BRCA2: variants seen among roughly 807,000 people sequenced by gnomAD.
BRCA2 encodes BRCA2 DNA repair associated.
A neutral mutation model predicts 276.7 loss-of-function variants in BRCA2; 203 were observed. The ratio of observed to expected loss-of-function variants is 0.73; its 90% CI spans 0.65 to 0.82. The LOEUF (loss-of-function observed/expected upper bound fraction) is 0.82. Ranked by LOEUF, BRCA2 falls within the 40% of genes least tolerant of loss-of-function variation. BRCA2 has a pLI of 0.00. For synonymous variants in BRCA2, 1,289 were observed against 1,338.4 expected (o/e 0.96, Z 0.81); for missense variants, 3,920 against 3,915.0 (o/e 1.00, Z -0.03).
chr13:32,365,721 C>CTTTTTTTTTTTTTTTTTTTTTTTTCT (rs36116910), intron 18 of BRCA2, among the ~76,000 whole-genome samples: 5 of 105,872 alleles, frequency 4.7e-5, no homozygotes, highest in East Asian at 2.8e-4. Flanking sequence ...ACTTTGGTGT[C>CTTTTTTTTTTTTTTTTTTTTTTTTCT]TTTTTTTTTT....
chr13:32,323,778 A>C (rs577956823), intron 3 of BRCA2, among the ~76,000 whole-genome samples: 1 of 152,374 alleles, frequency 6.6e-6, no homozygotes, highest in South Asian at 2.1e-4. Flanking sequence ...AAGAGTAATA[A>C]TAAGTGACTC....
rs81002874 is a variant in BRCA2, at chr13:32,363,178, G to T, written c.7977-1G>T. 6.2e-7 allele frequency: 1 copy of T among 1,612,350 alleles called. No homozygotes were observed. Among genetic ancestry groups the T allele is most frequent in the East Asian group, 2.2e-5 (1 of 44,860 alleles). ...ATATGCATTTTTGTTTTCACTTTTA[G>T]ATATGATACGGAAATTGATAGAAGC... On this transcript the variant is annotated splice_acceptor_variant, in intron 17 of 26. Coordinates refer to ENST00000380152, the MANE Select transcript of BRCA2 (RefSeq NM_000059.4). LOFTEE classifies it high-confidence loss of function.
chr13:32,319,338 A>G lies in BRCA2; in HGVS notation c.316+13A>G, dbSNP rs773097109. 89 of 1,604,672 alleles carry G rather than the reference A, an allele frequency of 5.5e-5. No homozygotes were observed. The highest frequency in any genetic ancestry group is 6.9e-5 in the Non-Finnish European group (81 of 1,171,848). ...AAATTAGACTTAGGTAAGTAATGCA[A>G]TATGGTAGACTGGGGAGAACTACAA... On this transcript the variant is annotated intron_variant, in intron 3 of 26. Transcript: ENST00000380152.
Position 32,319,948 on chromosome 13 carries a change from AAG to A in BRCA2, c.316+626_316+627del, listed in dbSNP as rs971594213. Among the ~76,000 whole-genome samples, 28 of 152,188 alleles carry A rather than the reference AAG, an allele frequency of 1.8e-4. 1 individual carries two copies. Among genetic ancestry groups the A allele is most frequent in the African/African-American group, 4.8e-5 (2 of 41,456 alleles). Reference sequence around the variant, plus strand: ...AAAAGTATAATGAGAGTTGAGAAGAAAGAGCAAATAGTATTGGGCAAAGTTAG... The same window carrying A: ...AAAAGTATAATGAGAGTTGAGAAGAAAGCAAATAGTATTGGGCAAAGTTAG... On this transcript the variant is annotated intron_variant, in intron 3 of 26. Transcript: ENST00000380152.
Position 32,330,863 on chromosome 13 carries a change from A to G in BRCA2, c.682-56A>G, listed in dbSNP as rs558899655. On this transcript the variant is annotated intron_variant, in intron 8 of 26. Transcript: ENST00000380152. ...AAACCATGGATAAGGGGGGACTACT[A>G]CTATATGTGCATTGAGAGTTTTTAT... is the stretch of plus-strand genomic sequence containing the variant. 3 of 1,040,694 alleles carry G rather than the reference A, an allele frequency of 2.9e-6. No individual in the cohort carries two copies. In the South Asian group the frequency reaches 4.0e-5, roughly 14 times the overall value. 64.5% of individuals were successfully genotyped at this position (1,040,694 alleles called of 1,614,324 possible).
rs1305288537 is a variant in BRCA2, at chr13:32,362,903, C to T, written c.7976+210C>T. Among the ~76,000 whole-genome samples the T allele has an allele frequency of 2.6e-5, 4 of 152,216 alleles. No homozygotes were observed. The East Asian group carries it at 7.7e-4, about 29-fold the overall frequency. On this transcript the variant is annotated intron_variant, in intron 17 of 26. Coordinates refer to ENST00000380152, the MANE Select transcript of BRCA2 (RefSeq NM_000059.4). ...TTGCTTCCCTCTTTCCCCACCCCCT[C>T]CTTAACCTCTTGATGTATGAGAAGA... is the stretch of plus-strand genomic sequence containing the variant.
chr13:32,344,182 AAG>A (rs1447763301), intron 11 of BRCA2, among the ~76,000 whole-genome samples: 10 of 147,268 alleles, frequency 6.8e-5, no homozygotes, highest in Middle Eastern at 3.5e-3. Context: ...AAAAAAAAAA[AAG>A]AGAGAAAAAG....
intron 24 of BRCA2, among the ~76,000 whole-genome samples, chr13:32,382,531 A>T (rs528697506): frequency 4.6e-5 from 7 of 152,290 alleles, no homozygotes; most frequent in Non-Finnish European, 5.9e-5. Context: ...TAGAATTGAT[A>T]ATGAAGTGAG....
At chr13:32,382,121 T>A (rs955744882) in intron 24 of BRCA2, among the ~76,000 whole-genome samples, 1 of 152,130 alleles carries the variant, frequency 6.6e-6, no homozygotes, top group Non-Finnish European at 1.5e-5. Flanking sequence ...ACTACAAATT[T>A]TTTTGTATTT....
At chr13:32,373,536 T>C (rs1468518829) in intron 20 of BRCA2, among the ~76,000 whole-genome samples, 1 of 151,832 alleles carries the variant, frequency 6.6e-6, no homozygotes, top group Non-Finnish European at 1.5e-5. Context: ...ATAATAAAAA[T>C]AACTCCTAGC....
In BRCA2 at chr13:32,339,375, A is replaced by G. The variant is rs80358725; in HGVS notation, c.5020A>G (p.Ser1674Gly). The change falls in exon 11 of 27, where the codon AGT becomes GGT. Residue 1674 changes from serine to glycine, a missense_variant. This residue lies in a region of BRCA2 where 3,263 missense variants were observed against 3,156.9 expected (regional missense o/e 1.03). Transcript: ENST00000380152. Reference protein sequence around the residue: ...IENSALAFYTSCSRKTSVSQT... With the variant: ...IENSALAFYTGCSRKTSVSQT... ...AAATTCAGCCTTAGCTTTTTACACA[A>G]GTTGTAGTAGAAAAACTTCTGTGAG... 3.5e-5 allele frequency: 55 copies of G among 1,593,894 alleles called. 1 individual carries two copies. The African/African-American group carries it at 5.4e-4, about 16-fold the overall frequency.
chr13:32,379,463 A>G lies in BRCA2; in HGVS notation c.8901A>G (p.Thr2967=), dbSNP rs786203637. 1 of 1,613,468 alleles carries G rather than the reference A, an allele frequency of 6.2e-7. No homozygotes were observed. The highest frequency in any genetic ancestry group is 1.3e-5 in the African/African-American group (1 of 74,996). The change falls in exon 22 of 27, where the codon ACA becomes ACG. Residue 2967 remains threonine, a synonymous_variant. Coordinates refer to ENST00000380152, the MANE Select transcript of BRCA2 (RefSeq NM_000059.4). Reference sequence around the variant, plus strand: ...AACAAGGTTTATCAAGGGATGTCACAACCGTGTGGAAGTTGCGTATTGTAA... The same window carrying G: ...AACAAGGTTTATCAAGGGATGTCACGACCGTGTGGAAGTTGCGTATTGTAA... ...QKEQGLSRDV[T]TVWKLRIVSY...
intron 24 of BRCA2, among the ~76,000 whole-genome samples, chr13:32,394,337 A>C (rs1303845397): frequency 6.6e-6 from 1 of 152,212 alleles, no homozygotes; most frequent in African/African-American, 2.4e-5. Context: ...GAGTACAAGA[A>C]ATGGGATTAC....
intron 13 of BRCA2, among the ~76,000 whole-genome samples, chr13:32,354,127 G>A (rs889190794): frequency 9.9e-5 from 15 of 152,128 alleles, no homozygotes; most frequent in African/African-American, 3.6e-4. Context: ...TTTAAAAGAA[G>A]GAAAATGTAA....
rs11571679 is a variant in BRCA2 at position 32,346,708 on chromosome 13, G to A, written c.6938-119G>A. 2.1e-4 allele frequency: 152 copies of A among 720,156 alleles called. 1 individual carries two copies. The South Asian group carries it at 2.6e-3, about 12-fold the overall frequency. 44.6% of individuals were successfully genotyped at this position (720,156 alleles called of 1,614,324 possible). ...CATAGTTAACATTTATTGAGCATCT[G>A]TTACATTCACTGAAAATTGTAAAGC... On this transcript the variant is annotated intron_variant, in intron 12 of 26. Transcript: ENST00000380152.
At chr13:32,316,333 CAA>C (rs2072258545) in intron 1 of BRCA2, 87 bp from the exon 2 acceptor site, 1 of 844,128 alleles carries the variant, frequency 1.2e-6, no homozygotes, top group Non-Finnish European at 2.0e-6. Context: ...AGAATTCAAA[CAA>C]ATTTTCCAGC....
At chr13:32,349,831 A>AGC (rs1566238846) in intron 13 of BRCA2, among the ~76,000 whole-genome samples, 2 of 150,566 alleles carry the variant, frequency 1.3e-5, no homozygotes, top group African/African-American at 4.9e-5. Flanking sequence ...AAAAAAAAAA[A>AGC]AGCAGCAGCA....
At chr13:32,365,106 A>ATTT (rs2072771353) in intron 18 of BRCA2, among the ~76,000 whole-genome samples, 4 of 86,472 alleles carry the variant, frequency 4.6e-5, no homozygotes, top group African/African-American at 8.7e-5. Flanking sequence ...ATTGCAGTGC[A>ATTT]TTCTTTTTTT....
intron 11 of BRCA2, among the ~76,000 whole-genome samples, chr13:32,342,809 G>T (rs1013984859): frequency 6.6e-6 from 1 of 152,186 alleles, no homozygotes; most frequent in Non-Finnish European, 1.5e-5. Context: ...ACTTTGGGAG[G>T]CTGAGGCAGG....
Sources: gnomAD v4.1 joint callset for allele counts (sites outside exome capture counted in the v4.1 genomes callset) on GRCh38, gnomAD v4.1.1 for gene constraint, gnomAD v4.1.1 regional missense constraint, MANE v1.5 for transcripts, NCBI Gene and HGNC (gene_info 2026-07-23, HGNC 2026-07-21) for gene names.